The following SRBD1 variants were observed in gnomAD, a reference collection of about 807,000 sequenced individuals.
The protein encoded by SRBD1 is S1 RNA-binding domain-containing protein 1.
SRBD1 carries 88 observed loss-of-function variants against 115.3 expected under a neutral mutation model. The observed-to-expected ratio is 0.76, with a 90% CI of 0.64 to 0.91. SRBD1 has a LOEUF of 0.91. SRBD1 is among the 40% of genes least tolerant of loss of function. The probability of loss-of-function intolerance (pLI) is 0.00; values close to 1 mark genes in which losing one functional copy is unlikely to be tolerated. For missense variants in SRBD1, 1,385 were observed against 1,177.4 expected (o/e 1.18, Z -2.58); for synonymous variants, 509 against 407.7 (o/e 1.25, Z -2.99).
chr2:45,397,128 T>C (rs1323287576), intron 19 of SRBD1, among the ~76,000 whole-genome samples: 3 of 152,142 alleles, frequency 2.0e-5, no homozygotes, highest in Non-Finnish European at 4.4e-5. Context: ...AATGAATAGG[T>C]ACAGGTAGAC....
chr2:45,489,319 C>T (rs1670222003), intron 14 of SRBD1, among the ~76,000 whole-genome samples: 1 of 152,182 alleles, frequency 6.6e-6, no homozygotes, highest in Admixed American at 6.5e-5. Flanking sequence ...TCAGTATTTA[C>T]TTCAATTGCA....
intron 11 of SRBD1, among the ~76,000 whole-genome samples, chr2:45,552,402 T>C (rs1672330365): frequency 6.6e-6 from 1 of 152,210 alleles, no homozygotes; most frequent in African/African-American, 2.4e-5. Context: ...GCTAATGGAA[T>C]TCAGAAACAG....
At chr2:45,502,473 C>A (rs555044465) in intron 14 of SRBD1, among the ~76,000 whole-genome samples, 1 of 152,280 alleles carries the variant, frequency 6.6e-6, no homozygotes, top group African/African-American at 2.4e-5. Context: ...AAATGTGGCA[C>A]ATATACACCA....
chr2:45,475,898 C>T (rs1669790392), intron 16 of SRBD1, among the ~76,000 whole-genome samples: 1 of 152,130 alleles, frequency 6.6e-6, no homozygotes, highest in Non-Finnish European at 1.5e-5. Context: ...AGAGTTTTGT[C>T]ATGTTGGCCA....
At chr2:45,601,134 G>C (rs72618612) in intron 3 of SRBD1, among the ~76,000 whole-genome samples, 3,917 of 152,276 alleles carry the variant, frequency 0.026, 101 homozygotes, top group East Asian at 0.12. Flanking sequence ...CACTGTCTTA[G>C]CTTCAAGCTA....
At chr2:45,589,089 G>C (rs760814741) in intron 4 of SRBD1, among the ~76,000 whole-genome samples, 8 of 152,074 alleles carry the variant, frequency 5.3e-5, no homozygotes, top group Non-Finnish European at 1.0e-4. Flanking sequence ...ACCCATAGTA[G>C]GTATTTATTG....
At chr2:45,608,752 C>T (rs1242908737) in intron 1 of SRBD1, among the ~76,000 whole-genome samples, 1 of 152,048 alleles carries the variant, frequency 6.6e-6, no homozygotes, top group African/African-American at 2.4e-5. Flanking sequence ...AAACCTGTTC[C>T]TATTCCAGTC....
At chr2:45,445,173 T>A (rs554585988) in intron 16 of SRBD1, among the ~76,000 whole-genome samples, 1 of 152,208 alleles carries the variant, frequency 6.6e-6, no homozygotes, top group Non-Finnish European at 1.5e-5. Flanking sequence ...ATAAACGGAA[T>A]GTGCCTTGGC....
chr2:45,487,107 A>G (rs2103850737), intron 15 of SRBD1, among the ~76,000 whole-genome samples: 1 of 152,314 alleles, frequency 6.6e-6, no homozygotes, highest in Admixed American at 6.5e-5. Flanking sequence ...GGAAACTACA[A>G]GCTCTTTTGG....
At chr2:45,428,326 G>A (rs977098187) in intron 16 of SRBD1, among the ~76,000 whole-genome samples, 7 of 152,158 alleles carry the variant, frequency 4.6e-5, no homozygotes, top group Admixed American at 2.0e-4. Context: ...CGAGGCGGGC[G>A]GATCACGAGG....
intron 16 of SRBD1, among the ~76,000 whole-genome samples, chr2:45,457,256 G>A (rs1669183342): frequency 6.6e-6 from 1 of 151,776 alleles, no homozygotes; most frequent in African/African-American, 2.4e-5. Context: ...CACAGATTTG[G>A]GAAGCTAAAA....
intron 14 of SRBD1, among the ~76,000 whole-genome samples, chr2:45,502,065 C>T (rs1302975181): frequency 6.6e-6 from 1 of 152,192 alleles, no homozygotes; most frequent in Admixed American, 6.5e-5. Flanking sequence ...ACACCTCACA[C>T]GGCCGGGTAC....
At chr2:45,607,847 T>G (rs1412718721) in intron 1 of SRBD1, among the ~76,000 whole-genome samples, 1 of 152,182 alleles carries the variant, frequency 6.6e-6, no homozygotes, top group Non-Finnish European at 1.5e-5. Context: ...ACAGACTGAA[T>G]GCTAAAGGCA....
chr2:45,389,161 G>GA lies in SRBD1; in HGVS notation c.*148dup, dbSNP rs1666926861. The GA allele has an allele frequency of 2.7e-5, 26 of 979,650 alleles. No individual in the cohort carries two copies. The highest frequency in any genetic ancestry group is 3.5e-5 in the Non-Finnish European group (24 of 680,260). The allele number at this position is 979,650 out of a possible 1,614,324, so 60.7% of individuals were successfully genotyped here. Reference sequence around the variant, plus strand: ...CTGTTGGTTTTCTATTTATTCAGAAGAAAAAATAAAGGAAAGTGTTTGGAA... The same window carrying GA: ...CTGTTGGTTTTCTATTTATTCAGAAGAAAAAAATAAAGGAAAGTGTTTGGAA... On this transcript the variant is annotated 3_prime_UTR_variant, in exon 21 of 21. Coordinates refer to ENST00000263736, the MANE Select transcript of SRBD1 (RefSeq NM_018079.5).
At chr2:45,578,868 CTA>C (rs1302660900) in intron 7 of SRBD1, among the ~76,000 whole-genome samples, 6 of 152,102 alleles carry the variant, frequency 3.9e-5, no homozygotes, top group Admixed American at 3.3e-4. Flanking sequence ...AAGAAGGTAA[CTA>C]TGTGAGATGA....
intron 7 of SRBD1, among the ~76,000 whole-genome samples, chr2:45,579,264 T>C (rs1436569733): frequency 6.6e-6 from 1 of 152,186 alleles, no homozygotes; most frequent in African/African-American, 2.4e-5. Flanking sequence ...GAAGATACAC[T>C]TGGAGGGAAA....
intron 16 of SRBD1, among the ~76,000 whole-genome samples, chr2:45,446,742 C>G (rs981392639): frequency 1.3e-5 from 2 of 149,858 alleles, no homozygotes; most frequent in African/African-American, 2.4e-5. Context: ...AACAAAAACA[C>G]CCCAAACTTC....
intron 15 of SRBD1, among the ~76,000 whole-genome samples, chr2:45,480,758 T>C (rs1019445188): frequency 6.6e-6 from 1 of 151,888 alleles, no homozygotes; most frequent in Non-Finnish European, 1.5e-5. Context: ...TTAAATAAAG[T>C]TCTACTGAAT....
chr2:45,601,254 C>T (rs191587497), intron 3 of SRBD1, among the ~76,000 whole-genome samples: 1 of 152,236 alleles, frequency 6.6e-6, no homozygotes, highest in Non-Finnish European at 1.5e-5. Context: ...AGTCCATGCT[C>T]ATCAAGTAAA....
Sources: allele counts gnomAD v4.1 joint callset (sites outside exome capture counted in the v4.1 genomes callset), GRCh38; gene constraint gnomAD v4.1.1; transcripts MANE v1.5; gene names NCBI Gene and HGNC (gene_info 2026-07-23, HGNC 2026-07-21).